KCNJ6: variants seen among roughly 807,000 people sequenced by gnomAD.
KCNJ6 encodes the protein potassium inwardly rectifying channel subfamily J member 6.
KCNJ6 carries 9 observed loss-of-function variants against 34.2 expected under a neutral mutation model. The observed-to-expected ratio is 0.26, with a 90% confidence interval of 0.16 to 0.46. The LOEUF (loss-of-function observed/expected upper bound fraction) is 0.46. Ranked by LOEUF, KCNJ6 falls within the 20% of genes least tolerant of loss-of-function variation. The pLI is 1.00. For missense variants in KCNJ6, 236 were observed against 531.3 expected (o/e 0.44, Z 5.46); for synonymous variants, 196 against 207.1 (o/e 0.95, Z 0.46).
intron 2 of KCNJ6, among the ~76,000 whole-genome samples, chr21:37,812,556 AG>A (rs2055328148): frequency 6.6e-6 from 1 of 152,244 alleles, no homozygotes; most frequent in Non-Finnish European, 1.5e-5. Context: ...CACATTAAAA[AG>A]ATCACTCATC....
At chr21:37,628,413 C>T (rs2054320139) in intron 3 of KCNJ6, among the ~76,000 whole-genome samples, 1 of 152,022 alleles carries the variant, frequency 6.6e-6, no homozygotes, top group South Asian at 2.1e-4. Context: ...AAAAGAATTA[C>T]TACAGGAACT....
At position 37,714,383 on chromosome 21, in the gene KCNJ6, C is replaced by A; in HGVS notation, c.774G>T (p.Thr258=). 6.2e-7 allele frequency: 1 copy of A among 1,614,100 alleles called. No homozygotes were observed. Among genetic ancestry groups the A allele is most frequent in the South Asian group, 1.1e-5 (1 of 91,070 alleles). ...CCGTGTAATACCCTACGTTGATATC[C>A]GTCTGGTTCAACGGGATGAACTCCC... ...SEGEFIPLNQ[T]DINVGYYTGD... is the part of the protein sequence containing the mutation. Residue 258 remains threonine (T), a synonymous_variant, in exon 3 of 4, where the codon ACG becomes ACT. Transcript: ENST00000609713. This position sits in a 1 kb window ranked among gnomAD's most constrained non-coding sequence, Gnocchi z 5.9.
chr21:37,764,415 G>A (rs151068527), intron 2 of KCNJ6, among the ~76,000 whole-genome samples: 46 of 147,880 alleles, frequency 3.1e-4, no homozygotes, highest in African/African-American at 1.1e-3. Context: ...GTTTTGCTCT[G>A]CTGCCCAGGC....
chr21:37,681,918 A>G (rs1301687388), intron 3 of KCNJ6, among the ~76,000 whole-genome samples: 1 of 152,192 alleles, frequency 6.6e-6, no homozygotes, highest in African/African-American at 2.4e-5. Context: ...TGCTGGTCTC[A>G]GTTGGTTGCT....
chr21:37,741,695 C>A (rs1237098535), intron 2 of KCNJ6, among the ~76,000 whole-genome samples: 1 of 152,226 alleles, frequency 6.6e-6, no homozygotes, highest in African/African-American at 2.4e-5. Context: ...TTCCATGTGG[C>A]CCCTCCTGTG....
intron 2 of KCNJ6, among the ~76,000 whole-genome samples, chr21:37,721,793 G>A (rs973447655): frequency 6.6e-6 from 1 of 152,194 alleles, no homozygotes; most frequent in African/African-American, 2.4e-5. Context: ...AAGGGGCACT[G>A]GGGAGGGTAT....
chr21:37,699,783 A>G (rs2054681142), intron 3 of KCNJ6, among the ~76,000 whole-genome samples: 1 of 151,986 alleles, frequency 6.6e-6, no homozygotes, highest in Non-Finnish European at 1.5e-5. Context: ...TCCGCTTTAA[A>G]CTCTCTGTAT....
chr21:37,745,317 T>C (rs1172381310), intron 2 of KCNJ6, among the ~76,000 whole-genome samples: 4 of 152,072 alleles, frequency 2.6e-5, no homozygotes, highest in East Asian at 1.9e-4. Flanking sequence ...AGATGAGGTA[T>C]TACTCTGTTG....
chr21:37,856,160 G>A (rs146697285), intron 1 of KCNJ6, among the ~76,000 whole-genome samples: 1,564 of 152,262 alleles, frequency 0.01, 23 homozygotes, highest in African/African-American at 0.036. Context: ...CATCATTTCC[G>A]GAAGCTCTTC....
At chr21:37,779,187 TCCCAA>T (rs1180184429) in intron 2 of KCNJ6, among the ~76,000 whole-genome samples, 1 of 152,178 alleles carries the variant, frequency 6.6e-6, no homozygotes, top group Non-Finnish European at 1.5e-5. Flanking sequence ...TGCAGGCCAG[TCCCAA>T]CCCTGCTTCA....
In KCNJ6 at chr21:37,868,043, T is replaced by C. The variant is rs181704211; in HGVS notation, c.-27-27334A>G. Reference sequence around the variant, plus strand: ...GCAGGAATGGGGACCATCTTTTCCCTAAGACCTCACAGCCAGCTGGGAGAA... The same window carrying C: ...GCAGGAATGGGGACCATCTTTTCCCCAAGACCTCACAGCCAGCTGGGAGAA... On this transcript the variant is annotated intron_variant, in intron 1 of 3. Coordinates refer to ENST00000609713, the MANE Select transcript of KCNJ6 (RefSeq NM_002240.5). Among the ~76,000 whole-genome samples, 532 of 152,322 alleles carry C rather than the reference T, an allele frequency of 3.5e-3. 8 individuals are homozygous for C. Among genetic ancestry groups the C allele is most frequent in the Non-Finnish European group, 1.1e-3 (72 of 68,026 alleles).
chr21:37,817,659 A>G (rs2055352895), intron 2 of KCNJ6, among the ~76,000 whole-genome samples: 1 of 152,206 alleles, frequency 6.6e-6, no homozygotes, highest in Non-Finnish European at 1.5e-5. Context: ...TTTGCAAGTC[A>G]GCTGACAACA....
chr21:37,910,687 C>A (rs2123653822), intron 1 of KCNJ6, among the ~76,000 whole-genome samples: 1 of 152,286 alleles, frequency 6.6e-6, no homozygotes, highest in South Asian at 2.1e-4. Flanking sequence ...CTGTATGATT[C>A]CTGGTCCTAA....
chr21:37,747,736 G>C (rs544288127), intron 2 of KCNJ6, among the ~76,000 whole-genome samples: 9 of 152,316 alleles, frequency 5.9e-5, no homozygotes, highest in African/African-American at 2.2e-4. Context: ...ATTGTGGGCG[G>C]CCTCTGGAAG....
chr21:37,860,954 T>C (rs914119909), intron 1 of KCNJ6, among the ~76,000 whole-genome samples: 2 of 125,780 alleles, frequency 1.6e-5, no homozygotes, highest in South Asian at 2.4e-4. Flanking sequence ...CTGCATGACA[T>C]TGGGAAAGTC....
At chr21:37,765,612 G>A (rs1244601715) in intron 2 of KCNJ6, among the ~76,000 whole-genome samples, 2 of 152,140 alleles carry the variant, frequency 1.3e-5, no homozygotes, top group Non-Finnish European at 2.9e-5. Flanking sequence ...AGGAAGTGAT[G>A]GGAAATTAAC....
intron 3 of KCNJ6, among the ~76,000 whole-genome samples, chr21:37,710,872 G>A (rs1158655802): frequency 6.6e-6 from 1 of 152,122 alleles, no homozygotes; most frequent in Non-Finnish European, 1.5e-5. Flanking sequence ...ATCTGCAGAT[G>A]AGACACAGCC....
rs1299616786 is a variant in KCNJ6, at chr21:37,796,779, C to CTTTCT, written c.25+43878_25+43879insAGAAA. On this transcript the variant is annotated intron_variant, in intron 2 of 3. Coordinates refer to ENST00000609713, the MANE Select transcript of KCNJ6 (RefSeq NM_002240.5). ...GAGTGTTTGTGGGCTTTCTTTCTTT[C>CTTTCT]TTTTTTTTTTTTTTTTTTTTTTTTT... Among the ~76,000 whole-genome samples, 156 of 71,478 alleles carry CTTTCT rather than the reference C, an allele frequency of 2.2e-3. 3 individuals are homozygous for CTTTCT. Among genetic ancestry groups the CTTTCT allele is most frequent in the African/African-American group, 8.8e-3 (140 of 15,936 alleles). 46.9% of individuals were successfully genotyped at this position (71,478 alleles called of 152,430 possible).
At chr21:37,754,075 T>C (rs1351580658) in intron 2 of KCNJ6, among the ~76,000 whole-genome samples, 1 of 152,220 alleles carries the variant, frequency 6.6e-6, no homozygotes, top group Non-Finnish European at 1.5e-5. Flanking sequence ...ACACATAAGA[T>C]ACTGCAACCA....
Sources: gnomAD v4.1 joint callset for allele counts (sites outside exome capture counted in the v4.1 genomes callset) on GRCh38, gnomAD v4.1.1 for gene constraint, Gnocchi (gnomAD v3.1) non-coding constraint, MANE v1.5 for transcripts, NCBI Gene and HGNC (gene_info 2026-07-23, HGNC 2026-07-21) for gene names.